Variants in PARD3 observed in about 807,000 individuals in gnomAD.
PARD3 encodes par-3 family cell polarity regulator.
A neutral mutation model predicts 155.4 loss-of-function variants in PARD3; 75 were observed. The ratio of observed to expected loss-of-function variants is 0.48; its 90% CI spans 0.40 to 0.58. The LOEUF (loss-of-function observed/expected upper bound fraction) is 0.58. Ranked by LOEUF, PARD3 falls within the 20% of genes least tolerant of loss-of-function variation. The probability of loss-of-function intolerance (pLI) is 0.00; values close to 1 mark genes in which losing one functional copy is unlikely to be tolerated. For missense variants in PARD3, 1,642 were observed against 1,721.7 expected, an observed-to-expected ratio of 0.95 and a Z score of 0.82; for synonymous variants, 576 against 610.5, an observed-to-expected ratio of 0.94 and a Z score of 0.83.
intron 2 of PARD3, among the ~76,000 whole-genome samples, chr10:34,517,381 T>C (rs147996638): frequency 1.0e-3 from 154 of 152,272 alleles, no homozygotes; most frequent in African/African-American, 3.3e-3. Context: ...CAAAAGTCTA[T>C]GGGTGAAAAA....
At chr10:34,714,667 C>G (rs2094492722) in intron 1 of PARD3, among the ~76,000 whole-genome samples, 6 of 152,106 alleles carry the variant, frequency 3.9e-5, no homozygotes, top group Non-Finnish European at 2.9e-5. Flanking sequence ...TACTCTTGGC[C>G]AAGGGAGGGA....
At chr10:34,240,242 T>G (rs61840217) in intron 22 of PARD3, among the ~76,000 whole-genome samples, 11,697 of 152,282 alleles carry the variant, frequency 0.077, 624 homozygotes, top group Non-Finnish European at 0.11. Context: ...GGAAAGATGT[T>G]CGTGACTTAT....
At chr10:34,665,525 A>T (rs1299072055) in intron 2 of PARD3, among the ~76,000 whole-genome samples, 1 of 151,788 alleles carries the variant, frequency 6.6e-6, no homozygotes, top group Non-Finnish European at 1.5e-5. Context: ...CATCACAAAA[A>T]AATTTTAAAA....
At chr10:34,289,280 C>T (rs1956557753) in intron 20 of PARD3, among the ~76,000 whole-genome samples, 1 of 152,126 alleles carries the variant, frequency 6.6e-6, no homozygotes, top group Non-Finnish European at 1.5e-5. Flanking sequence ...ACCTCCGCCT[C>T]CCAGGTTCAA....
intron 3 of PARD3, among the ~76,000 whole-genome samples, chr10:34,482,400 G>A (rs902374039): frequency 2.0e-5 from 3 of 151,950 alleles, no homozygotes; most frequent in Admixed American, 1.3e-4. Context: ...CAAACTCCTG[G>A]CCTCAAGCAG....
intron 22 of PARD3, among the ~76,000 whole-genome samples, chr10:34,216,640 T>A (rs1952015258): frequency 6.6e-6 from 1 of 152,238 alleles, no homozygotes; most frequent in African/African-American, 2.4e-5. Context: ...TGCTGTTGGG[T>A]CCCTCTGGCA....
At chr10:34,783,857 C>G (rs182558402) in intron 1 of PARD3, among the ~76,000 whole-genome samples, 5 of 151,842 alleles carry the variant, frequency 3.3e-5, no homozygotes, top group African/African-American at 1.2e-4. Flanking sequence ...GTAACAGCAA[C>G]TCATTAAGTG....
intron 2 of PARD3, among the ~76,000 whole-genome samples, chr10:34,680,324 C>T (rs901335106): frequency 4.6e-5 from 7 of 151,926 alleles, no homozygotes; most frequent in African/African-American, 1.2e-4. Flanking sequence ...TTTGGGAGGC[C>T]GAGGCGGGCT....
At chr10:34,539,300 TA>T (rs2083438862) in intron 2 of PARD3, among the ~76,000 whole-genome samples, 1 of 152,212 alleles carries the variant, frequency 6.6e-6, no homozygotes, top group African/African-American at 2.4e-5. Context: ...GCAAGCCAGT[TA>T]TTACCACCTT....
intron 2 of PARD3, among the ~76,000 whole-genome samples, chr10:34,607,235 G>A (rs927252249): frequency 7.2e-5 from 11 of 151,998 alleles, no homozygotes; most frequent in Non-Finnish European, 1.0e-4. Flanking sequence ...AAGAAATTCC[G>A]GCATTTTACA....
At chr10:34,114,884 T>C (rs1946580168) in intron 24 of PARD3, among the ~76,000 whole-genome samples, 1 of 152,238 alleles carries the variant, frequency 6.6e-6, no homozygotes, top group African/African-American at 2.4e-5. Context: ...AATTTCTTTA[T>C]AACCAACATA....
chr10:34,143,304 T>C lies in PARD3; in HGVS notation c.3420-11721A>G, dbSNP rs113028119. On this transcript the variant is annotated intron_variant, in intron 22 of 24. Coordinates refer to ENST00000374788, the MANE Select transcript of PARD3 (RefSeq NM_001184785.2). ...CCAGCCTGGCAACAGAGCAAGACTC[T>C]GTCTCAAAACAACAACAACAACAAC... is the stretch of plus-strand genomic sequence containing the variant. Among the ~76,000 whole-genome samples, 500 of 152,144 alleles carry C rather than the reference T, an allele frequency of 3.3e-3. 2 individuals are homozygous for C. Among genetic ancestry groups the C allele is most frequent in the African/African-American group, 0.011 (472 of 41,488 alleles).
chr10:34,544,036 T>A (rs947228872), intron 2 of PARD3, among the ~76,000 whole-genome samples: 2 of 152,198 alleles, frequency 1.3e-5, no homozygotes, highest in Non-Finnish European at 2.9e-5. Context: ...ACAATTCTAG[T>A]TATCTTCAAC....
In PARD3 at chr10:34,815,017, C is replaced by A; in HGVS notation, c.-22G>T. ...TCATGCCGCCGCCGCCGCGGGCGGG[C>A]CCGCGCCCCTCGCCGAGCGCAGCCG... On this transcript the variant is annotated 5_prime_UTR_variant, in exon 1 of 25. Coordinates refer to ENST00000374788, the MANE Select transcript of PARD3 (RefSeq NM_001184785.2). The A allele has an allele frequency of 7.1e-7, 1 of 1,415,748 alleles. No homozygotes were observed. Among genetic ancestry groups the A allele is most frequent in the Non-Finnish European group, 9.3e-7 (1 of 1,079,470 alleles). 87.7% of individuals were successfully genotyped at this position (1,415,748 alleles called of 1,614,324 possible).
At chr10:34,466,038 T>A (rs1347854517) in intron 4 of PARD3, among the ~76,000 whole-genome samples, 4 of 152,080 alleles carry the variant, frequency 2.6e-5, no homozygotes, top group Admixed American at 2.0e-4. Context: ...AACTCTCAAA[T>A]GAAAATACAG....
intron 19 of PARD3, among the ~76,000 whole-genome samples, chr10:34,324,628 G>A (rs1006519265): frequency 6.6e-6 from 1 of 152,122 alleles, no homozygotes; most frequent in Admixed American, 6.6e-5. Context: ...ATTAAATAAC[G>A]AGGGTCCGGC....
At chr10:34,169,151 G>A (rs560789650) in intron 22 of PARD3, among the ~76,000 whole-genome samples, 179 of 152,274 alleles carry the variant, frequency 1.2e-3, no homozygotes, top group Middle Eastern at 3.4e-3. Flanking sequence ...CAGACAAACC[G>A]GGGCTAGGTA....
intron 22 of PARD3, among the ~76,000 whole-genome samples, chr10:34,138,706 A>G (rs1228081141): frequency 6.6e-6 from 1 of 152,186 alleles, no homozygotes; most frequent in Non-Finnish European, 1.5e-5. Context: ...TACATGGTAA[A>G]GATTTTTTGT....
intron 1 of PARD3, among the ~76,000 whole-genome samples, chr10:34,784,908 T>C (rs1172780810): frequency 6.6e-6 from 1 of 151,786 alleles, no homozygotes; most frequent in African/African-American, 2.4e-5. Context: ...TTTTCTAGCA[T>C]TCATTCCCAT....
Sources: gnomAD v4.1 joint callset for allele counts (sites outside exome capture counted in the v4.1 genomes callset) on GRCh38, gnomAD v4.1.1 for gene constraint, MANE v1.5 for transcripts, NCBI Gene and HGNC (gene_info 2026-07-23, HGNC 2026-07-21) for gene names.